Variants in MEFV observed in about 807,000 individuals in gnomAD.
The protein encoded by MEFV is pyrin.
In MEFV, 60 loss-of-function variants were observed where a neutral mutation model predicts 62.5. The observed-to-expected ratio is 0.96, with a 90% confidence interval of 0.78 to 1.19. MEFV has a LOEUF of 1.19. Among genes scored for constraint, MEFV ranks in the 50% most tolerant of loss-of-function variants. The probability of loss-of-function intolerance (pLI) is 0.00; values close to 1 mark genes in which losing one functional copy is unlikely to be tolerated. For synonymous variants in MEFV, 500 were observed against 415.2 expected (o/e 1.20, Z -2.48); for missense variants, 1,169 against 1,004.5 (o/e 1.16, Z -2.21).
intron 4 of MEFV, among the ~76,000 whole-genome samples, chr16:3,248,153 G>A (rs980075175): frequency 2.0e-5 from 3 of 152,064 alleles, no homozygotes; most frequent in Non-Finnish European, 2.9e-5. Context: ...CAGCCACTAA[G>A]GAGGCTGAGG....
Position 3,243,684 on chromosome 16 carries a change from A to C in MEFV, c.1803T>G (p.Ile601Met), listed in dbSNP as rs779572391. 6.2e-7 allele frequency: 1 copy of C among 1,609,748 alleles called. No individual in the cohort carries two copies. The highest frequency in any genetic ancestry group is 8.5e-7 in the Non-Finnish European group (1 of 1,177,972). ...IGAQAHAVNV[I>M]LDAETAYPNL... ...TGGGGTAAGCGGTTTCTGCATCCAG[A>C]ATCACATTAACTGCAAAGAAAATTT... The change falls in exon 10 of 10, where the codon ATT becomes ATG. Residue 601 changes from isoleucine to methionine, a missense_variant. Transcript: ENST00000219596.
intron 6 of MEFV, among the ~76,000 whole-genome samples, chr16:3,245,365 G>C (rs1056809176): frequency 6.6e-6 from 1 of 152,160 alleles, no homozygotes; most frequent in African/African-American, 2.4e-5. Flanking sequence ...GAAATGGCTG[G>C]GCACGGTGGC....
At chr16:3,244,135 C>G in intron 8 of MEFV, 119 bp downstream of exon 8, 1 of 1,560,400 alleles carries the variant, frequency 6.4e-7, no homozygotes, top group South Asian at 1.2e-5. Flanking sequence ...CTTTCTCCTA[C>G]CTTTGCTCCA....
chr16:3,243,594 A>G lies in MEFV; in HGVS notation c.1893T>C (p.Asp631=), dbSNP rs1958894106. Residue 631 remains aspartate, a synonymous_variant, in exon 10 of 10, where the codon GAT becomes GAC. Coordinates refer to ENST00000219596, the MANE Select transcript of MEFV (RefSeq NM_000243.3). ...TACAGCTGTCAAATCTTTGCGGGCC[A>G]TCAGGCAGCCTCTCCCACTTGTTTC... ...RLGNKWERLP[D]GPQRFDSCII... The G allele has an allele frequency of 1.2e-6, 2 of 1,602,760 alleles. No individual in the cohort carries two copies. Among genetic ancestry groups the G allele is most frequent in the Middle Eastern group, 1.7e-4 (1 of 5,990 alleles).
In MEFV at chr16:3,243,675, T is replaced by C. The variant is rs974681999; in HGVS notation, c.1812A>G (p.Ala604=). ...AGATGAGGTTGGGGTAAGCGGTTTCTGCATCCAGAATCACATTAACTGCAA... is the reference window on the plus strand; with the variant it reads ...AGATGAGGTTGGGGTAAGCGGTTTCCGCATCCAGAATCACATTAACTGCAA... ...QAHAVNVILD[A]ETAYPNLIFS... The change falls in exon 10 of 10, where the codon GCA becomes GCG. Residue 604 remains alanine (A), a synonymous_variant. Coordinates refer to ENST00000219596, the MANE Select transcript of MEFV (RefSeq NM_000243.3). 2 of 1,608,300 alleles carry C rather than the reference T, an allele frequency of 1.2e-6. No individual in the cohort carries two copies. Among genetic ancestry groups the C allele is most frequent in the Non-Finnish European group, 1.7e-6 (2 of 1,177,226 alleles).
At position 3,254,690 on chromosome 16, in the gene MEFV, C is replaced by T. The variant is rs777867857; in HGVS notation, c.378G>A (p.Gly126=). ...ACGGCCGAGGGCCGTTCCCCTCGTT[C>T]CCCTCGGGGTGGTCTGGAGTCTTCA... The part of the protein sequence containing the change: ...RSLKTPDHPE[G]NEGNGPRPYG... Residue 126 remains glycine (G), a synonymous_variant, in exon 2 of 10, where the codon GGG becomes GGA. Transcript: ENST00000219596. 9 of 1,612,482 alleles carry T rather than the reference C, an allele frequency of 5.6e-6. No individual in the cohort carries two copies. The Admixed American group carries it at 1.3e-4, about 24-fold the overall frequency.
At chr16:3,249,068 C>T in intron 3 of MEFV, 64 bp from the exon 4 acceptor site, 1 of 1,485,728 alleles carries the variant, frequency 6.7e-7, no homozygotes, top group African/African-American at 1.4e-5. Context: ...CTGGTGCCAA[C>T]TCTGGAGGGG....
In MEFV at chr16:3,254,389, T is replaced by C. The variant is rs1302994748; in HGVS notation, c.679A>G (p.Arg227Gly). 6.2e-7 allele frequency: 1 copy of C among 1,613,892 alleles called. No homozygotes were observed. Among genetic ancestry groups the C allele is most frequent in the African/African-American group, 1.3e-5 (1 of 74,956 alleles). ...GAGGGCAGGTACACTTCGAAGGGCC[T>C]GCACTCCTTCTGCCCCGGGGCGCCC... ...AGGAPGQKECRPFEVYLPSGK... is the reference protein window; with the variant it reads ...AGGAPGQKECGPFEVYLPSGK... Residue 227 changes from arginine (R) to glycine (G), a missense_variant, in exon 2 of 10, where the codon AGG (arginine) becomes GGG (glycine). Transcript: ENST00000219596.
At chr16:3,244,792 G>C (rs1958914393) in intron 6 of MEFV, among the ~76,000 whole-genome samples, 1 of 152,178 alleles carries the variant, frequency 6.6e-6, no homozygotes, top group Non-Finnish European at 1.5e-5. Flanking sequence ...GTGCTTTAAA[G>C]ACATGGATAT....
At chr16:3,253,514 T>C (rs111881425) in intron 2 of MEFV, among the ~76,000 whole-genome samples, 2,846 of 152,008 alleles carry the variant, frequency 0.019, 83 homozygotes, top group African/African-American at 0.065. Flanking sequence ...TCTTTTTTTT[T>C]CCCCCCAAAA....
At chr16:3,252,313 G>A (rs224219) in intron 2 of MEFV, among the ~76,000 whole-genome samples, 69,062 of 145,218 alleles carry the variant, frequency 0.48, 16,718 homozygotes, top group Admixed American at 0.55. Flanking sequence ...TGCTCTTGTC[G>A]CCCAGGCTAG....
chr16:3,249,580 G>C lies in MEFV; in HGVS notation c.1111C>G (p.Pro371Ala). Residue 371 changes from proline (P) to alanine (A), a missense_variant, in exon 3 of 10, where the codon CCC becomes GCC. Transcript: ENST00000219596. ...AGGTGGCGCTTACACTGTGGCAGGG[G>C]CTGGGGGCTTAGGCTTCCCGGGCTC... Reference protein sequence around the residue: ...RKSPGSLSPQPLPQCKRHLKQ... With the variant: ...RKSPGSLSPQALPQCKRHLKQ... 6.2e-7 allele frequency: 1 copy of C among 1,614,242 alleles called. No homozygotes were observed. The highest frequency in any genetic ancestry group is 8.5e-7 in the Non-Finnish European group (1 of 1,180,030).
At chr16:3,247,918 G>A (rs1206254102) in intron 4 of MEFV, 2 of 128,462 alleles carry the variant, frequency 1.6e-5, no homozygotes, top group Non-Finnish European at 3.1e-5. Flanking sequence ...CTGGACGACG[G>A]AGTGAGATTC....
chr16:3,249,927 G>C (rs1193486696), intron 2 of MEFV, 147 bp from the exon 3 acceptor site: 1 of 716,838 alleles, frequency 1.4e-6, no homozygotes, highest in South Asian at 1.7e-5. Flanking sequence ...GTCCTCCCCC[G>C]ACTTCCATCC....
intron 2 of MEFV, chr16:3,251,956 C>A (rs757297561): frequency 2.4e-6 from 1 of 422,516 alleles, no homozygotes; most frequent in South Asian, 1.7e-5. Context: ...GTGGTGCACA[C>A]CTGTAATCCC....
rs1958950289 is a variant in MEFV, at chr16:3,246,884, C to G, written c.1587+132G>C. The G allele has an allele frequency of 1.5e-5, 14 of 918,220 alleles. No homozygotes were observed. In the South Asian group the frequency reaches 1.9e-4, roughly 13 times the overall value. 56.9% of individuals were successfully genotyped at this position (918,220 alleles called of 1,614,324 possible). The stretch of plus-strand genomic sequence containing the variant: ...GGGCACAAGAGGCACTGTGGGTCAC[C>G]AAGACCAAGTCCTATCCTAGGCCTT... On this transcript the variant is annotated intron_variant, in intron 5 of 9. Transcript: ENST00000219596.
At chr16:3,252,129 T>C (rs1196657875) in intron 2 of MEFV, 2 of 214,272 alleles carry the variant, frequency 9.3e-6, no homozygotes, top group Admixed American at 4.7e-5. Context: ...ACTTTTCAGG[T>C]CACTATTCCT....
chr16:3,244,013 T>A, intron 8 of MEFV, 121 bp from the exon 9 acceptor site: 1 of 1,558,346 alleles, frequency 6.4e-7, no homozygotes, highest in African/African-American at 1.4e-5. Context: ...CTGCATGCTA[T>A]GTTGGGTATA....
chr16:3,254,719 T>C lies in MEFV; in HGVS notation c.349A>G (p.Ser117Gly). ...SSSLGENKPR[S>G]LKTPDHPEGN... is the part of the protein sequence containing the mutation. Reference sequence around the variant, plus strand: ...TCGGGGTGGTCTGGAGTCTTCAGGCTCCTGGGCTTGTTCTCCCCCAGGGAG... The same window carrying C: ...TCGGGGTGGTCTGGAGTCTTCAGGCCCCTGGGCTTGTTCTCCCCCAGGGAG... Residue 117 changes from serine to glycine, a missense_variant, in exon 2 of 10, where the codon AGC (serine) becomes GGC (glycine). Physicochemically the swap from Ser to Gly is moderately conservative, Grantham distance 56. Coordinates refer to ENST00000219596, the MANE Select transcript of MEFV (RefSeq NM_000243.3). The C allele has an allele frequency of 1.2e-6, 2 of 1,612,876 alleles. No individual in the cohort carries two copies. Among genetic ancestry groups the C allele is most frequent in the Non-Finnish European group, 1.7e-6 (2 of 1,180,008 alleles).
Sources: allele counts gnomAD v4.1 joint callset (sites outside exome capture counted in the v4.1 genomes callset), GRCh38; gene constraint gnomAD v4.1.1; transcripts MANE v1.5; gene names NCBI Gene and HGNC (gene_info 2026-07-23, HGNC 2026-07-21).